Variants in LRRIQ3 observed in about 807,000 individuals in gnomAD.
LRRIQ3 encodes leucine rich repeats and IQ motif containing 3, also known as leucine-rich repeat and IQ domain-containing protein 3.
In LRRIQ3, 75 loss-of-function variants were observed where a neutral mutation model predicts 59.3. The observed-to-expected ratio is 1.26, with a 90% confidence interval of 1.05 to 1.53. LRRIQ3 has a LOEUF of 1.53. Ranked by LOEUF, LRRIQ3 falls within the 40% of genes most tolerant of loss-of-function variation. LRRIQ3 has a pLI of 0.00. For missense variants in LRRIQ3, 831 were observed against 710.0 expected (o/e 1.17, Z -1.94); for synonymous variants, 250 against 231.3 (o/e 1.08, Z -0.73).
intron 3 of LRRIQ3, among the ~76,000 whole-genome samples, chr1:74,166,291 GT>G (rs199541707): frequency 1.0e-4 from 15 of 148,346 alleles, no homozygotes; most frequent in African/African-American, 2.7e-4. Flanking sequence ...TGTAGTTTGT[GT>G]TTTTTTTTCT....
intron 5 of LRRIQ3, among the ~76,000 whole-genome samples, chr1:74,087,573 A>G (rs958461960): frequency 4.7e-5 from 7 of 147,432 alleles, no homozygotes; most frequent in Non-Finnish European, 1.0e-4. Flanking sequence ...TGTTGAGGTG[A>G]AAAAGGCACA....
chr1:74,170,422 ATCTTTTCTCTGCTGTGTAT>A (rs1269641198), intron 3 of LRRIQ3, among the ~76,000 whole-genome samples: 1 of 152,164 alleles, frequency 6.6e-6, no homozygotes, highest in Non-Finnish European at 1.5e-5. Context: ...TGAAGAGAAT[ATCTTTTCTCTGCTGTGTAT>A]TCTTGGCACC....
At chr1:74,064,574 T>C (rs1654817952) in intron 6 of LRRIQ3, among the ~76,000 whole-genome samples, 1 of 152,084 alleles carries the variant, frequency 6.6e-6, no homozygotes, top group African/African-American at 2.4e-5. Context: ...CTTTCTTTCA[T>C]ACACCTTCTA....
intron 5 of LRRIQ3, among the ~76,000 whole-genome samples, chr1:74,101,730 TA>T (rs1557615304): frequency 6.6e-6 from 1 of 152,030 alleles, no homozygotes; most frequent in Non-Finnish European, 1.5e-5. Context: ...TATGCAGCCA[TA>T]AAAAAGGATG....
In LRRIQ3 at chr1:74,044,464, C is replaced by T. The variant is rs184429493; in HGVS notation, c.998-2531G>A. Reference sequence around the variant, plus strand: ...ATGCCAGCTCCCACATCACCTTCTGCCATAATATTAAGGGAAATTTATAGC... The same window carrying T: ...ATGCCAGCTCCCACATCACCTTCTGTCATAATATTAAGGGAAATTTATAGC... On this transcript the variant is annotated intron_variant, in intron 6 of 7. Transcript: ENST00000354431. 2.5e-3 allele frequency among the ~76,000 whole-genome samples: 387 copies of T among 151,842 alleles called. 2 individuals carry two copies. Among genetic ancestry groups the T allele is most frequent in the African/African-American group, 8.9e-3 (371 of 41,456 alleles).
At chr1:74,039,129 C>T (rs906993441) in intron 7 of LRRIQ3, among the ~76,000 whole-genome samples, 6 of 152,112 alleles carry the variant, frequency 3.9e-5, no homozygotes, top group African/African-American at 2.4e-5. Context: ...TAGAGAGGAA[C>T]ATAAATGCCC....
At chr1:74,132,111 C>A (rs1647032377) in intron 4 of LRRIQ3, among the ~76,000 whole-genome samples, 1 of 152,094 alleles carries the variant, frequency 6.6e-6, no homozygotes, top group South Asian at 2.1e-4. Flanking sequence ...CATGAGTGAA[C>A]TCCCATTCAC....
intron 4 of LRRIQ3, among the ~76,000 whole-genome samples, chr1:74,148,115 T>A (rs2100651484): frequency 6.6e-6 from 1 of 152,318 alleles, no homozygotes; most frequent in South Asian, 2.1e-4. Context: ...TTGGAGGCAT[T>A]ATGTTTCCTG....
chr1:74,109,192 T>C (rs888608290), intron 5 of LRRIQ3: 11 of 448,082 alleles, frequency 2.5e-5, no homozygotes, highest in African/African-American at 1.4e-4. Flanking sequence ...GGTTGTGGTA[T>C]ACTATACTAT....
chr1:74,167,057 T>C (rs1050286786), intron 3 of LRRIQ3, among the ~76,000 whole-genome samples: 3 of 151,898 alleles, frequency 2.0e-5, no homozygotes, highest in Non-Finnish European at 4.4e-5. Context: ...TTTAAATAAC[T>C]AAAAGTAGAT....
intron 5 of LRRIQ3, among the ~76,000 whole-genome samples, chr1:74,097,694 A>G (rs1304195318): frequency 7.2e-5 from 11 of 152,230 alleles, no homozygotes; most frequent in Non-Finnish European, 1.3e-4. Flanking sequence ...CCATCAGACA[A>G]ACAGTGGATC....
chr1:74,146,685 C>T (rs1371149615), intron 4 of LRRIQ3, among the ~76,000 whole-genome samples: 2 of 152,002 alleles, frequency 1.3e-5, no homozygotes, highest in Admixed American at 1.3e-4. Flanking sequence ...GGGCCTGAGT[C>T]CTGTGTCTAT....
intron 4 of LRRIQ3, among the ~76,000 whole-genome samples, chr1:74,148,087 T>C (rs1647690401): frequency 6.6e-6 from 1 of 152,256 alleles, no homozygotes; most frequent in South Asian, 2.1e-4. Flanking sequence ...AATCTGTTTA[T>C]AGAGATTTAT....
intron 5 of LRRIQ3, among the ~76,000 whole-genome samples, chr1:74,078,478 T>C (rs1199041037): frequency 6.6e-6 from 1 of 151,886 alleles, no homozygotes; most frequent in Non-Finnish European, 1.5e-5. Flanking sequence ...TTGGGCAACA[T>C]ACGCTTAATC....
chr1:74,095,691 T>A (rs1361161719), intron 5 of LRRIQ3, among the ~76,000 whole-genome samples: 1 of 152,084 alleles, frequency 6.6e-6, no homozygotes, highest in Non-Finnish European at 1.5e-5. Flanking sequence ...CATAGCCATA[T>A]ATAACTAAAC....
chr1:74,154,578 T>C (rs562730987), intron 4 of LRRIQ3, among the ~76,000 whole-genome samples: 9 of 152,312 alleles, frequency 5.9e-5, no homozygotes, highest in African/African-American at 7.2e-5. Flanking sequence ...TTTTATCTCA[T>C]GTTACATGAG....
chr1:74,063,733 G>A (rs990104115), intron 6 of LRRIQ3, among the ~76,000 whole-genome samples: 1 of 151,750 alleles, frequency 6.6e-6, no homozygotes, highest in Non-Finnish European at 1.5e-5. Context: ...ATTGCTGTTT[G>A]CATGATATCA....
At chr1:74,034,591 T>A (rs2100367945) in intron 7 of LRRIQ3, among the ~76,000 whole-genome samples, 1 of 151,588 alleles carries the variant, frequency 6.6e-6, no homozygotes, top group Middle Eastern at 3.4e-3. Context: ...AAATACTTTT[T>A]TAAATTAAAA....
intron 6 of LRRIQ3, among the ~76,000 whole-genome samples, chr1:74,052,015 C>T (rs147544915): frequency 3.3e-5 from 5 of 152,062 alleles, no homozygotes; most frequent in Admixed American, 6.6e-5. Context: ...TGAATCAGTC[C>T]GTTAATAATT....
Sources: gnomAD v4.1 joint callset for allele counts (sites outside exome capture counted in the v4.1 genomes callset) on GRCh38, gnomAD v4.1.1 for gene constraint, MANE v1.5 for transcripts, NCBI Gene and HGNC (gene_info 2026-07-23, HGNC 2026-07-21) for gene names.